Variants in CA10 observed in about 807,000 individuals in gnomAD.
CA10 encodes carbonic anhydrase-related protein 10.
A neutral mutation model predicts 44.2 loss-of-function variants in CA10; 14 were observed. The observed-to-expected ratio is 0.32, with a 90% CI of 0.21 to 0.50. The LOEUF (loss-of-function observed/expected upper bound fraction) is 0.50. Among genes scored for constraint, CA10 ranks in the 20% least tolerant of loss-of-function variants. CA10 has a pLI of 0.99. For synonymous variants in CA10, 159 were observed against 141.6 expected, an observed-to-expected ratio of 1.12 and a Z score of -0.87; for missense variants, 350 against 409.7, an observed-to-expected ratio of 0.85 and a Z score of 1.26.
At chr17:51,918,682 G>A (rs999147845) in intron 3 of CA10, among the ~76,000 whole-genome samples, 2 of 152,002 alleles carry the variant, frequency 1.3e-5, no homozygotes, top group African/African-American at 2.4e-5. Context: ...ACATCAGGTG[G>A]GCAAAGATAA....
rs192033743 is a variant in CA10, at chr17:52,080,796, T to C, written c.62-8403A>G. 1.3e-3 allele frequency among the ~76,000 whole-genome samples: 205 copies of C among 152,258 alleles called. 1 individual carries two copies. The highest frequency in any genetic ancestry group is 2.1e-4 in the Non-Finnish European group (14 of 68,008). On this transcript the variant is annotated intron_variant, in intron 1 of 8. Coordinates refer to ENST00000451037, the MANE Select transcript of CA10 (RefSeq NM_020178.5). ...TACTCAATTCTCAAAGCCTCTCCAA[T>C]TTACACTCCTTTCAAGAAAGGTGTA... is the stretch of plus-strand genomic sequence containing the variant.
At chr17:52,155,855 G>C (rs1567750870) in intron 1 of CA10, among the ~76,000 whole-genome samples, 1 of 152,194 alleles carries the variant, frequency 6.6e-6, no homozygotes, top group Non-Finnish European at 1.5e-5. Context: ...CTCCTCCTGA[G>C]TTGGAAATCC....
intron 2 of CA10, among the ~76,000 whole-genome samples, chr17:52,023,437 T>C (rs1238013944): frequency 1.3e-5 from 2 of 152,010 alleles, no homozygotes; most frequent in African/African-American, 4.8e-5. Flanking sequence ...AAACTAAACC[T>C]CTATCTTTCA....
At chr17:51,667,204 T>G (rs914368706) in intron 4 of CA10, among the ~76,000 whole-genome samples, 3 of 152,108 alleles carry the variant, frequency 2.0e-5, no homozygotes, top group Non-Finnish European at 4.4e-5. Flanking sequence ...AAAAAGGAAT[T>G]GTGACTTCTG....
At chr17:51,908,590 C>T (rs1567880975) in intron 3 of CA10, among the ~76,000 whole-genome samples, 1 of 68,574 alleles carries the variant, frequency 1.5e-5, no homozygotes, top group Non-Finnish European at 3.2e-5. Context: ...TTGACTTCCA[C>T]TTTAGACACT....
intron 3 of CA10, among the ~76,000 whole-genome samples, chr17:51,753,704 G>T (rs1598027810): frequency 6.6e-6 from 1 of 152,172 alleles, no homozygotes; most frequent in East Asian, 1.9e-4. Context: ...GCCTCCCACA[G>T]GGCATACCTG....
chr17:52,052,304 A>ATTT (rs746707046), intron 2 of CA10, among the ~76,000 whole-genome samples: 7,153 of 130,580 alleles, frequency 0.055, 199 homozygotes, highest in African/African-American at 0.093. Flanking sequence ...TTTTTTAAAA[A>ATTT]AAAAAAAAAA....
chr17:51,902,278 C>A (rs1446541658), intron 3 of CA10, among the ~76,000 whole-genome samples: 1 of 152,020 alleles, frequency 6.6e-6, no homozygotes, highest in Non-Finnish European at 1.5e-5. Context: ...GGCACCATAG[C>A]AGAATTCAGC....
At chr17:51,988,826 T>G (rs1020297679) in intron 2 of CA10, among the ~76,000 whole-genome samples, 4 of 152,050 alleles carry the variant, frequency 2.6e-5, no homozygotes, top group African/African-American at 9.7e-5. Context: ...TTGAAAAAAA[T>G]GTGAAATTAA....
At chr17:51,834,167 A>G (rs962708903) in intron 3 of CA10, among the ~76,000 whole-genome samples, 1 of 152,248 alleles carries the variant, frequency 6.6e-6, no homozygotes, top group Non-Finnish European at 1.5e-5. Flanking sequence ...AAATCTATAG[A>G]GCACAACTTA....
chr17:51,805,137 T>C (rs1231598788), intron 3 of CA10, among the ~76,000 whole-genome samples: 1 of 152,200 alleles, frequency 6.6e-6, no homozygotes, highest in African/African-American at 2.4e-5. Flanking sequence ...ACATCTTAGT[T>C]CCAGCTACGT....
chr17:51,738,882 T>C (rs9897820), intron 4 of CA10, among the ~76,000 whole-genome samples: 2,611 of 152,270 alleles, frequency 0.017, 82 homozygotes, highest in African/African-American at 0.059. Context: ...CAATTAAGAG[T>C]CAGGAAACTT....
At chr17:51,785,878 C>A (rs536039571) in intron 3 of CA10, among the ~76,000 whole-genome samples, 1 of 152,274 alleles carries the variant, frequency 6.6e-6, no homozygotes, top group African/African-American at 2.4e-5. Context: ...CACATTGAAT[C>A]TGTAGATTGC....
At chr17:51,799,786 G>C (rs1906855592) in intron 3 of CA10, among the ~76,000 whole-genome samples, 1 of 152,156 alleles carries the variant, frequency 6.6e-6, no homozygotes, top group South Asian at 2.1e-4. Flanking sequence ...AATGATCAGG[G>C]TAAAGCAAGT....
intron 4 of CA10, among the ~76,000 whole-genome samples, chr17:51,727,519 T>C (rs1441700453): frequency 6.6e-6 from 1 of 152,148 alleles, no homozygotes; most frequent in African/African-American, 2.4e-5. Flanking sequence ...TCACATACAG[T>C]GGCTCATGTG....
intron 2 of CA10, among the ~76,000 whole-genome samples, chr17:51,987,789 T>C (rs1984896379): frequency 6.6e-6 from 1 of 151,856 alleles, no homozygotes. Context: ...TAAAAATACA[T>C]GAAAATTAAA....
intron 3 of CA10, among the ~76,000 whole-genome samples, chr17:51,837,038 G>A (rs1908504702): frequency 6.6e-6 from 1 of 151,754 alleles, no homozygotes; most frequent in African/African-American, 2.4e-5. Context: ...CATTTATAAT[G>A]CCATAAGAAA....
At chr17:51,750,369 CT>C (rs548783983) in intron 3 of CA10, among the ~76,000 whole-genome samples, 1 of 151,986 alleles carries the variant, frequency 6.6e-6, no homozygotes, top group South Asian at 2.1e-4. Context: ...TTATATATGA[CT>C]TTTTATGTTA....
At chr17:52,143,589 G>GTCA (rs781486797) in intron 1 of CA10, among the ~76,000 whole-genome samples, 1 of 152,174 alleles carries the variant, frequency 6.6e-6, no homozygotes, top group Non-Finnish European at 1.5e-5. Flanking sequence ...AATGCAAAAA[G>GTCA]TGATGATGTT....
Sources: allele counts gnomAD v4.1 joint callset (sites outside exome capture counted in the v4.1 genomes callset), GRCh38; gene constraint gnomAD v4.1.1; transcripts MANE v1.5; gene names NCBI Gene and HGNC (gene_info 2026-07-23, HGNC 2026-07-21).